Variants in SMYD3 observed in about 807,000 individuals in gnomAD.
The protein encoded by SMYD3 is SET and MYND domain containing 3.
In SMYD3, 36 loss-of-function variants were observed where a neutral mutation model predicts 57.7. The ratio of observed to expected loss-of-function variants is 0.62; its 90% CI spans 0.48 to 0.82. The LOEUF (loss-of-function observed/expected upper bound fraction) is 0.82. Ranked by LOEUF, SMYD3 falls within the 40% of genes least tolerant of loss-of-function variation. The pLI, the probability that SMYD3 is intolerant of heterozygous loss-of-function variation, is 0.00. For missense variants in SMYD3, 515 were observed against 538.8 expected, an observed-to-expected ratio of 0.96 and a Z score of 0.44; for synonymous variants, 211 against 195.0, an observed-to-expected ratio of 1.08 and a Z score of -0.68.
chr1:245,886,964 G>T (rs115077347), intron 8 of SMYD3, among the ~76,000 whole-genome samples: 2 of 151,938 alleles, frequency 1.3e-5, no homozygotes, highest in African/African-American at 4.8e-5. Flanking sequence ...TCCCTGATGC[G>T]CCATATTCTC....
At position 246,395,754 on chromosome 1, in the gene SMYD3, A is replaced by G. The variant is rs370721358; in HGVS notation, c.165-40660T>C. 1.8e-3 allele frequency among the ~76,000 whole-genome samples: 249 copies of G among 138,782 alleles called. 2 individuals are homozygous for G. The highest frequency in any genetic ancestry group is 4.9e-3 in the South Asian group (18 of 3,650). The allele number at this position is 138,782 out of a possible 152,430, so 91.0% of individuals were successfully genotyped here. On this transcript the variant is annotated intron_variant, in intron 1 of 11. Coordinates refer to ENST00000490107, the MANE Select transcript of SMYD3 (RefSeq NM_001167740.2). Reference sequence around the variant, plus strand: ...CAGACAGGGAAGACGAACCCACCACAGTCAGACAGGGAAGAGGAACCCACC... The same window carrying G: ...CAGACAGGGAAGACGAACCCACCACGGTCAGACAGGGAAGAGGAACCCACC...
chr1:246,230,903 T>C (rs1464029250), intron 5 of SMYD3, among the ~76,000 whole-genome samples: 1 of 152,238 alleles, frequency 6.6e-6, no homozygotes, highest in African/African-American at 2.4e-5. Context: ...GCAGTTCTGA[T>C]ACATATGTAC....
intron 5 of SMYD3, among the ~76,000 whole-genome samples, chr1:245,997,525 G>A (rs897021503): frequency 9.2e-5 from 14 of 152,330 alleles, no homozygotes; most frequent in East Asian, 1.9e-4. Context: ...CCTTGGAGCC[G>A]TGAATCAGCA....
intron 10 of SMYD3, among the ~76,000 whole-genome samples, chr1:245,830,307 A>G (rs991797025): frequency 2.6e-5 from 4 of 152,210 alleles, no homozygotes; most frequent in Admixed American, 2.6e-4. Context: ...GGCGGAAGGC[A>G]AAGGAGAAGC....
intron 5 of SMYD3, chr1:246,305,918 C>T (rs2064969430): frequency 6.6e-6 from 1 of 152,104 alleles, no homozygotes; most frequent in South Asian, 2.1e-4. Context: ...AAAGTTCTCA[C>T]CTTCAAGTTT....
rs191323884 is a variant in SMYD3 at position 245,984,759 on chromosome 1, C to T, written c.532-54822G>A. On this transcript the variant is annotated intron_variant, in intron 5 of 11. Coordinates refer to ENST00000490107, the MANE Select transcript of SMYD3 (RefSeq NM_001167740.2). ...TCTCTCCTTTCATATTGCTTCTTTC[C>T]CTAAGCATATAAACATGTTCAAATT... Among the ~76,000 whole-genome samples the T allele has an allele frequency of 1.2e-4, 19 of 152,234 alleles. No individual in the cohort carries two copies. In the East Asian group the frequency reaches 3.7e-3, roughly 29 times the overall value.
chr1:246,387,878 T>C (rs918148339), intron 1 of SMYD3, among the ~76,000 whole-genome samples: 6 of 91,386 alleles, frequency 6.6e-5, no homozygotes, highest in African/African-American at 2.5e-4. Flanking sequence ...TGAAGTCAGT[T>C]TCTGGGGACC....
chr1:245,816,863 G>A (rs747054270), intron 10 of SMYD3, among the ~76,000 whole-genome samples: 37 of 151,464 alleles, frequency 2.4e-4, no homozygotes, highest in Non-Finnish European at 2.8e-4. Flanking sequence ...GGCGCACCAC[G>A]AGATTATATC....
intron 5 of SMYD3, among the ~76,000 whole-genome samples, chr1:246,106,572 A>G (rs911436107): frequency 6.6e-6 from 1 of 152,170 alleles, no homozygotes; most frequent in African/African-American, 2.4e-5. Context: ...AAGACCATTA[A>G]CTTTCTGAAA....
chr1:246,118,690 G>A (rs1482581420), intron 5 of SMYD3, among the ~76,000 whole-genome samples: 1 of 152,072 alleles, frequency 6.6e-6, no homozygotes, highest in Non-Finnish European at 1.5e-5. Flanking sequence ...ATGCCAGCTA[G>A]TCTGAAATAC....
intron 5 of SMYD3, among the ~76,000 whole-genome samples, chr1:246,205,868 A>G (rs2062992707): frequency 6.6e-6 from 1 of 152,162 alleles, no homozygotes; most frequent in African/African-American, 2.4e-5. Context: ...CAGTTCTGCT[A>G]CACTCTTAAG....
chr1:246,481,534 G>A (rs760532076), intron 1 of SMYD3, among the ~76,000 whole-genome samples: 1 of 142,688 alleles, frequency 7.0e-6, no homozygotes, highest in Non-Finnish European at 1.5e-5. Flanking sequence ...CAGGCCATTG[G>A]ACTCCACTTT....
At chr1:246,179,323 G>A (rs2062491830) in intron 5 of SMYD3, 1 of 152,378 alleles carries the variant, frequency 6.6e-6, no homozygotes, top group Non-Finnish European at 1.5e-5. Flanking sequence ...CCTCTTCACT[G>A]TAATGCACAA....
At chr1:246,074,288 A>G (rs2060506696) in intron 5 of SMYD3, among the ~76,000 whole-genome samples, 1 of 151,982 alleles carries the variant, frequency 6.6e-6, no homozygotes, top group African/African-American at 2.4e-5. Context: ...GAGAATCCTT[A>G]GGCTAATTCC....
chr1:246,120,432 G>A (rs962465994), intron 5 of SMYD3, among the ~76,000 whole-genome samples: 3 of 151,952 alleles, frequency 2.0e-5, no homozygotes, highest in African/African-American at 7.3e-5. Context: ...TAAACTCAAG[G>A]GTCGCTTCCC....
At chr1:246,378,776 T>TATATA (rs374512483) in intron 1 of SMYD3, among the ~76,000 whole-genome samples, 5 of 72,040 alleles carry the variant, frequency 6.9e-5, no homozygotes, top group South Asian at 3.2e-4. Flanking sequence ...TATATATAAT[T>TATATA]TAATATATTT....
At chr1:246,322,090 G>A (rs1230227546) in intron 5 of SMYD3, among the ~76,000 whole-genome samples, 1 of 152,164 alleles carries the variant, frequency 6.6e-6, no homozygotes, top group African/African-American at 2.4e-5. Context: ...CAGGTGCTGG[G>A]TGGGGTGGCT....
At chr1:246,110,226 T>C (rs2061209728) in intron 5 of SMYD3, among the ~76,000 whole-genome samples, 1 of 152,176 alleles carries the variant, frequency 6.6e-6, no homozygotes, top group Non-Finnish European at 1.5e-5. Context: ...GCTCAGCGTC[T>C]AACTAGATGT....
chr1:246,233,187 A>G (rs374697177), intron 5 of SMYD3, among the ~76,000 whole-genome samples: 1 of 124,156 alleles, frequency 8.1e-6, no homozygotes, highest in Non-Finnish European at 1.7e-5. Context: ...TACCACACAG[A>G]GGAGAAGCAC....
Sources: allele counts gnomAD v4.1 joint callset (sites outside exome capture counted in the v4.1 genomes callset), GRCh38; gene constraint gnomAD v4.1.1; transcripts MANE v1.5; gene names NCBI Gene and HGNC (gene_info 2026-07-23, HGNC 2026-07-21).